MACROH2A2: variants seen among roughly 807,000 people sequenced by gnomAD.
MACROH2A2 encodes macroH2A.2 histone.
MACROH2A2 carries 6 observed loss-of-function variants against 37.6 expected under a neutral mutation model. The ratio of observed to expected loss-of-function variants is 0.16; its 90% CI spans 0.09 to 0.32. MACROH2A2 has a LOEUF of 0.32. MACROH2A2 is among the 10% of genes least tolerant of loss of function. The probability of loss-of-function intolerance (pLI) is 1.00; values close to 1 mark genes in which losing one functional copy is unlikely to be tolerated. For synonymous variants in MACROH2A2, 192 were observed against 202.7 expected (o/e 0.95, Z 0.45); for missense variants, 290 against 485.9 (o/e 0.60, Z 3.79).
chr10:70,078,663 TC>T (rs1368190381), intron 2 of MACROH2A2, among the ~76,000 whole-genome samples: 4 of 152,064 alleles, frequency 2.6e-5, no homozygotes, highest in African/African-American at 9.7e-5. Flanking sequence ...ATTCTTCTCC[TC>T]CCCCCTCTAT....
At chr10:70,066,950 G>A (rs568346055) in intron 1 of MACROH2A2, among the ~76,000 whole-genome samples, 1 of 152,220 alleles carries the variant, frequency 6.6e-6, no homozygotes, top group South Asian at 2.1e-4. Context: ...TGGTGATTTT[G>A]CTGTTTAGAA....
At chr10:70,090,313 G>C in intron 3 of MACROH2A2, 147 bp downstream of exon 3, 1 of 611,574 alleles carries the variant, frequency 1.6e-6, no homozygotes, top group South Asian at 2.0e-5. Context: ...AACAAATTCT[G>C]CTAGCTCTTA....
intron 1 of MACROH2A2, among the ~76,000 whole-genome samples, chr10:70,065,636 A>G (rs2072074904): frequency 6.6e-6 from 1 of 152,204 alleles, no homozygotes; most frequent in Non-Finnish European, 1.5e-5. Context: ...GGAAATTAAA[A>G]ATATGATTAC....
intron 1 of MACROH2A2, among the ~76,000 whole-genome samples, chr10:70,063,780 G>C (rs1044673074): frequency 2.6e-5 from 4 of 152,194 alleles, no homozygotes; most frequent in African/African-American, 7.2e-5. Flanking sequence ...TAACAAAGGG[G>C]TAGGGGCTGG....
rs1167690660 is a variant in MACROH2A2, at chr10:70,111,702, G to C, written c.*19G>C. On this transcript the variant is annotated 3_prime_UTR_variant, in exon 9 of 9. Transcript: ENST00000373255. ...CAAGTAGCCGCCGCACTTTCCAGCAGGGATCGGAGGACGACCCGAGTCCCA... is the reference window on the plus strand; with the variant it reads ...CAAGTAGCCGCCGCACTTTCCAGCACGGATCGGAGGACGACCCGAGTCCCA... 8.3e-6 allele frequency: 13 copies of C among 1,571,568 alleles called. No homozygotes were observed. The highest frequency in any genetic ancestry group is 1.1e-5 in the Non-Finnish European group (13 of 1,154,848).
At chr10:70,098,810 C>T (rs113519124) in intron 6 of MACROH2A2, 3,098 of 152,434 alleles carry the variant, frequency 0.02, 47 homozygotes, top group Non-Finnish European at 0.03. Flanking sequence ...CTCTAGATTC[C>T]GCCATTCGTT....
rs1256760716 is a variant in MACROH2A2 at position 70,112,039 on chromosome 10, G to A, written c.*356G>A. The stretch of plus-strand genomic sequence containing the variant: ...TCTGTTCCTCCTTTTTCCAAGGGAA[G>A]AGGGCAAAAAGTGGCCTGGGCTCTG... On this transcript the variant is annotated 3_prime_UTR_variant, in exon 9 of 9. Coordinates refer to ENST00000373255, the MANE Select transcript of MACROH2A2 (RefSeq NM_018649.3). The A allele has an allele frequency of 6.3e-6, 1 of 159,484 alleles. No homozygotes were observed. Among genetic ancestry groups the A allele is most frequent in the Admixed American group, 6.5e-5 (1 of 15,450 alleles). 9.9% of individuals were successfully genotyped at this position (159,484 alleles called of 1,614,324 possible).
intron 7 of MACROH2A2, among the ~76,000 whole-genome samples, chr10:70,105,542 C>G (rs1380768095): frequency 6.6e-6 from 1 of 152,140 alleles, no homozygotes; most frequent in East Asian, 1.9e-4. Context: ...TGGATAGACT[C>G]CAAGGGGAGA....
At chr10:70,055,005 C>G (rs1266778380) in intron 1 of MACROH2A2, among the ~76,000 whole-genome samples, 1 of 152,166 alleles carries the variant, frequency 6.6e-6, no homozygotes, top group Non-Finnish European at 1.5e-5. Context: ...TCCTTGAATC[C>G]GGAGTGTCCC....
At chr10:70,068,954 C>T (rs955673024) in intron 1 of MACROH2A2, among the ~76,000 whole-genome samples, 1 of 152,160 alleles carries the variant, frequency 6.6e-6, no homozygotes, top group African/African-American at 2.4e-5. Flanking sequence ...ATAAATGCTC[C>T]ATAAATACTG....
At chr10:70,072,193 A>G (rs1026500324) in intron 1 of MACROH2A2, among the ~76,000 whole-genome samples, 12 of 152,004 alleles carry the variant, frequency 7.9e-5, no homozygotes, top group African/African-American at 2.9e-4. Context: ...GCCTTACTCT[A>G]TAAGCATTTT....
At chr10:70,063,204 T>C (rs899573404) in intron 1 of MACROH2A2, among the ~76,000 whole-genome samples, 2 of 152,180 alleles carry the variant, frequency 1.3e-5, no homozygotes, top group African/African-American at 4.8e-5. Context: ...AAAGAAAATA[T>C]TGGTCTAAAG....
At chr10:70,074,749 C>T (rs1243350020) in intron 1 of MACROH2A2, among the ~76,000 whole-genome samples, 1 of 152,158 alleles carries the variant, frequency 6.6e-6, no homozygotes, top group Admixed American at 6.5e-5. Flanking sequence ...CCATATAAGA[C>T]GTGCCTTTCA....
intron 2 of MACROH2A2, among the ~76,000 whole-genome samples, chr10:70,084,971 A>G (rs2072202178): frequency 6.6e-6 from 1 of 152,166 alleles, no homozygotes; most frequent in South Asian, 2.1e-4. Flanking sequence ...GGAGAACAAC[A>G]AAACTAGGGA....
intron 7 of MACROH2A2, 25 bp downstream of exon 7, chr10:70,100,322 C>A (rs1216157684): frequency 7.6e-7 from 1 of 1,311,562 alleles, no homozygotes; most frequent in Middle Eastern, 1.8e-4. Context: ...AGGCTCCTGT[C>A]ACCAGCATGG....
intron 2 of MACROH2A2, among the ~76,000 whole-genome samples, chr10:70,081,675 G>A (rs897201778): frequency 7.9e-5 from 12 of 152,150 alleles, no homozygotes; most frequent in African/African-American, 2.9e-4. Flanking sequence ...CCAAACCACA[G>A]TGAGTTGAGA....
At chr10:70,090,295 T>C in intron 3 of MACROH2A2, 129 bp downstream of exon 3, 1 of 646,096 alleles carries the variant, frequency 1.5e-6, no homozygotes, top group Non-Finnish European at 2.8e-6. Flanking sequence ...ACTCAGGCCA[T>C]ATAAAAGAAC....
intron 1 of MACROH2A2, among the ~76,000 whole-genome samples, chr10:70,065,442 T>C (rs2136618679): frequency 6.6e-6 from 1 of 152,212 alleles, no homozygotes; most frequent in South Asian, 2.1e-4. Context: ...AAAGCCTACA[T>C]GGAAGTGAAA....
intron 1 of MACROH2A2, among the ~76,000 whole-genome samples, chr10:70,056,302 C>T (rs2136613063): frequency 6.6e-6 from 1 of 152,176 alleles, no homozygotes; most frequent in East Asian, 1.9e-4. Flanking sequence ...GGCTGGAGTG[C>T]ATTGGCACAA....
Sources: allele counts gnomAD v4.1 joint callset (sites outside exome capture counted in the v4.1 genomes callset), GRCh38; gene constraint gnomAD v4.1.1; transcripts MANE v1.5; gene names NCBI Gene and HGNC (gene_info 2026-07-23, HGNC 2026-07-21).